Variants in CSMD1 observed in about 807,000 individuals in gnomAD.
CSMD1 encodes CUB and sushi domain-containing protein 1.
Under a neutral mutation model 417.5 loss-of-function variants are expected in CSMD1, and 213 were observed. The ratio of observed to expected loss-of-function variants is 0.51; its 90% CI spans 0.46 to 0.57. The LOEUF is 0.57. CSMD1 is among the 20% of genes least tolerant of loss of function. The pLI is 0.00. For missense variants in CSMD1, 6,923 were observed against 4,529.7 expected (o/e 1.53, Z -15.17); for synonymous variants, 2,862 against 1,736.8 (o/e 1.65, Z -16.11).
Position 4,490,905 on chromosome 8 carries a change from A to T in CSMD1, c.303-70840T>A, listed in dbSNP as rs141721490. ...ACAAAGCACAGCAGTGGTTTCTAGG[A>T]CTATAACTTATCACAGGAGTGGATA... On this transcript the variant is annotated intron_variant, in intron 2 of 69. Transcript: ENST00000635120. Among the ~76,000 whole-genome samples the T allele has an allele frequency of 7.3e-3, 1,106 of 152,332 alleles. 10 individuals carry two copies. The highest frequency in any genetic ancestry group is 0.025 in the African/African-American group (1,047 of 41,574).
chr8:3,740,516 T>C (rs555166868), intron 6 of CSMD1, among the ~76,000 whole-genome samples: 29 of 152,234 alleles, frequency 1.9e-4, no homozygotes, highest in African/African-American at 6.0e-4. Flanking sequence ...GGTTCACCGA[T>C]GGATGTGATA....
chr8:3,088,205 A>C (rs1199075222), intron 48 of CSMD1, among the ~76,000 whole-genome samples: 1 of 152,234 alleles, frequency 6.6e-6, no homozygotes, highest in African/African-American at 2.4e-5. Flanking sequence ...TTTATGGCTA[A>C]AAGTCTCTGC....
intron 64 of CSMD1, 129 bp from the exon 65 acceptor site, chr8:2,954,397 T>A (rs1802853909): frequency 3.6e-6 from 2 of 550,828 alleles, no homozygotes; most frequent in Non-Finnish European, 6.4e-6. Context: ...GAATACCTTA[T>A]ACATATACAT....
rs927961435 is a variant in CSMD1, at chr8:4,108,151, G to C, written c.416-76052C>G. ...GGGTAGGGAAGGGGAGAAGACAGAA[G>C]AGAGACAGTTTTATTTTTATTAAGT... On this transcript the variant is annotated intron_variant, in intron 3 of 69. Transcript: ENST00000635120. 4.6e-5 allele frequency among the ~76,000 whole-genome samples: 7 copies of C among 152,012 alleles called. No individual in the cohort carries two copies. The East Asian group carries it at 1.4e-3, about 29-fold the overall frequency.
chr8:4,272,694 A>T (rs1221625410), intron 3 of CSMD1, among the ~76,000 whole-genome samples: 1 of 152,148 alleles, frequency 6.6e-6, no homozygotes, highest in Non-Finnish European at 1.5e-5. Flanking sequence ...ATATATTTGG[A>T]AGACTGTACA....
chr8:3,536,442 C>A (rs973700016), intron 10 of CSMD1, among the ~76,000 whole-genome samples: 2 of 152,160 alleles, frequency 1.3e-5, no homozygotes, highest in Admixed American at 1.3e-4. Context: ...GCAGGTTCAC[C>A]AATGGGCTGA....
chr8:4,402,568 G>C (rs541557887), intron 3 of CSMD1, among the ~76,000 whole-genome samples: 1 of 152,126 alleles, frequency 6.6e-6, no homozygotes, highest in African/African-American at 2.4e-5. Flanking sequence ...CACTCTTGAA[G>C]GGAGACTTTT....
At chr8:3,128,380 C>G (rs1817620169) in intron 41 of CSMD1, 2 of 153,298 alleles carry the variant, frequency 1.3e-5, no homozygotes, top group Admixed American at 1.3e-4. Context: ...CATTTAACTT[C>G]AAGACAGCTA....
At chr8:3,124,805 G>A (rs1025604317) in intron 41 of CSMD1, among the ~76,000 whole-genome samples, 2 of 152,118 alleles carry the variant, frequency 1.3e-5, no homozygotes, top group Non-Finnish European at 2.9e-5. Context: ...AATCCCATCT[G>A]CCAGTCAACA....
chr8:3,440,207 TATAA>T, intron 12 of CSMD1, among the ~76,000 whole-genome samples: 1 of 116,522 alleles, frequency 8.6e-6, no homozygotes, highest in South Asian at 2.5e-4. Context: ...CTGAGATTCT[TATAA>T]CAGGTGCATT....
chr8:3,952,181 T>C (rs570710398), intron 5 of CSMD1, among the ~76,000 whole-genome samples: 1 of 152,278 alleles, frequency 6.6e-6, no homozygotes, highest in Admixed American at 6.5e-5. Flanking sequence ...GCAGAAACTG[T>C]TCATGGTGTC....
chr8:3,753,515 G>A (rs1208897154), intron 6 of CSMD1, among the ~76,000 whole-genome samples: 3 of 152,208 alleles, frequency 2.0e-5, no homozygotes, highest in Admixed American at 6.5e-5. Context: ...TATGTGGTGT[G>A]AAGACCTTTT....
chr8:3,666,475 T>C (rs1390216209), intron 7 of CSMD1, among the ~76,000 whole-genome samples: 1 of 123,374 alleles, frequency 8.1e-6, no homozygotes, highest in African/African-American at 3.0e-5. Flanking sequence ...ATCCTTGCTG[T>C]TAACATGCAC....
At chr8:3,435,174 C>A (rs1814470139) in intron 12 of CSMD1, among the ~76,000 whole-genome samples, 2 of 152,160 alleles carry the variant, frequency 1.3e-5, no homozygotes, top group Admixed American at 6.5e-5. Flanking sequence ...AATGAGAAGT[C>A]AGAGGGCAAA....
At chr8:3,231,910 A>C (rs911366594) in intron 26 of CSMD1, among the ~76,000 whole-genome samples, 1 of 152,196 alleles carries the variant, frequency 6.6e-6, no homozygotes. Context: ...AAATTTGCTA[A>C]CTTGTCTTTC....
At chr8:3,645,496 G>T (rs938418229) in intron 7 of CSMD1, among the ~76,000 whole-genome samples, 1 of 152,192 alleles carries the variant, frequency 6.6e-6, no homozygotes, top group African/African-American at 2.4e-5. Context: ...TGGAAGAAAT[G>T]GGGAAGGGGA....
At chr8:3,412,630 A>G (rs997096587) in intron 12 of CSMD1, among the ~76,000 whole-genome samples, 2 of 152,228 alleles carry the variant, frequency 1.3e-5, no homozygotes, top group African/African-American at 2.4e-5. Context: ...GGTTCAAGGT[A>G]CACTGCTAAC....
chr8:3,560,777 C>T (rs1799436154), intron 10 of CSMD1, among the ~76,000 whole-genome samples: 1 of 152,148 alleles, frequency 6.6e-6, no homozygotes, highest in Admixed American at 6.5e-5. Context: ...TATATATCTC[C>T]TTGATTTGAC....
intron 2 of CSMD1, among the ~76,000 whole-genome samples, chr8:4,522,368 G>A (rs534226853): frequency 2.1e-4 from 32 of 152,080 alleles, no homozygotes; most frequent in African/African-American, 6.5e-4. Context: ...CCAAGTCTCC[G>A]GTATGCCTTT....
Sources: gnomAD v4.1 joint callset for allele counts (sites outside exome capture counted in the v4.1 genomes callset) on GRCh38, gnomAD v4.1.1 for gene constraint, MANE v1.5 for transcripts, NCBI Gene and HGNC (gene_info 2026-07-23, HGNC 2026-07-21) for gene names.